NAALADL2: variants seen among roughly 807,000 people sequenced by gnomAD.
The protein encoded by NAALADL2 is N-acetylated alpha-linked acidic dipeptidase like 2, also known as inactive N-acetylated-alpha-linked acidic dipeptidase-like protein 2.
In NAALADL2, 76 loss-of-function variants were observed where a neutral mutation model predicts 87.2. The ratio of observed to expected loss-of-function variants is 0.87; its 90% CI spans 0.72 to 1.05. The LOEUF (loss-of-function observed/expected upper bound fraction) is 1.05, where lower values mean the gene tolerates loss of function less well. NAALADL2 is among the 50% of genes least tolerant of loss of function. The pLI, the probability that NAALADL2 is intolerant of heterozygous loss-of-function variation, is 0.00. For missense variants in NAALADL2, 1,089 were observed against 945.8 expected, an observed-to-expected ratio of 1.15 and a Z score of -1.99; for synonymous variants, 354 against 331.0, an observed-to-expected ratio of 1.07 and a Z score of -0.75.
chr3:175,196,157 T>G (rs954886218), intron 2 of NAALADL2, among the ~76,000 whole-genome samples: 3 of 151,942 alleles, frequency 2.0e-5, no homozygotes, highest in African/African-American at 7.2e-5. Flanking sequence ...CAGGCCATCT[T>G]TTTTATATAA....
intron 13 of NAALADL2, among the ~76,000 whole-genome samples, chr3:175,789,612 G>GTGACT (rs1420382979): frequency 2.6e-5 from 4 of 152,134 alleles, no homozygotes; most frequent in African/African-American, 9.7e-5. Context: ...AAATGTCAAG[G>GTGACT]TGACTTGTAT....
At chr3:174,976,544 A>G (rs1175726689) in intron 1 of NAALADL2, among the ~76,000 whole-genome samples, 3 of 152,196 alleles carry the variant, frequency 2.0e-5, no homozygotes, top group African/African-American at 7.2e-5. Flanking sequence ...GAAAATTACC[A>G]TACAGTTTAA....
intron 6 of NAALADL2, among the ~76,000 whole-genome samples, chr3:175,454,276 T>A (rs1192258596): frequency 6.6e-6 from 1 of 152,070 alleles, no homozygotes; most frequent in African/African-American, 2.4e-5. Context: ...TAGATTTAGA[T>A]GTTTGCCATT....
intron 1 of NAALADL2, among the ~76,000 whole-genome samples, chr3:174,469,231 G>A (rs1445835337): frequency 6.6e-6 from 1 of 151,432 alleles, no homozygotes; most frequent in Non-Finnish European, 1.5e-5. Context: ...TAGAAATGTG[G>A]TATGTAGAAG....
intron 2 of NAALADL2, among the ~76,000 whole-genome samples, chr3:175,123,012 C>A (rs930705490): frequency 6.6e-6 from 1 of 151,832 alleles, no homozygotes; most frequent in Non-Finnish European, 1.5e-5. Context: ...TGATAATGAA[C>A]CCATTTTCAT....
At position 175,556,242 on chromosome 3, in the gene NAALADL2, G is replaced by T. The variant is rs116252298; in HGVS notation, c.1654-19799G>T. Among the ~76,000 whole-genome samples, 802 of 152,122 alleles carry T rather than the reference G, an allele frequency of 5.3e-3. 6 individuals are homozygous for T. The highest frequency in any genetic ancestry group is 0.017 in the African/African-American group (699 of 41,492). On this transcript the variant is annotated intron_variant, in intron 9 of 13. Transcript: ENST00000454872. ...AAGTATTTAAAAAATATTTTGAAAAGTCATGAAGACGATTTAAAAAAAAAA... is the reference window on the plus strand; with the variant it reads ...AAGTATTTAAAAAATATTTTGAAAATTCATGAAGACGATTTAAAAAAAAAA...
chr3:174,544,673 C>T (rs568015542), intron 1 of NAALADL2, among the ~76,000 whole-genome samples: 8 of 149,534 alleles, frequency 5.3e-5, no homozygotes, highest in East Asian at 2.0e-4. Context: ...AGGGTTCCAG[C>T]GATTCTCCTG....
At chr3:174,944,443 G>A (rs1400861145) in intron 1 of NAALADL2, among the ~76,000 whole-genome samples, 1 of 152,162 alleles carries the variant, frequency 6.6e-6, no homozygotes, top group Non-Finnish European at 1.5e-5. Context: ...TCCCCCGGGA[G>A]CTCTGTCTCA....
intron 5 of NAALADL2, 28 bp downstream of exon 5, chr3:175,324,353 C>T (rs765603390): frequency 1.3e-6 from 2 of 1,589,704 alleles, no homozygotes; most frequent in East Asian, 2.3e-5. Flanking sequence ...CATTATTATA[C>T]TTGTAAGTAA....
At chr3:175,526,875 T>C (rs1733490178) in intron 9 of NAALADL2, among the ~76,000 whole-genome samples, 1 of 152,246 alleles carries the variant, frequency 6.6e-6, no homozygotes, top group South Asian at 2.1e-4. Context: ...TTAGAGCATT[T>C]AGCTAAAACC....
At chr3:175,536,859 G>A (rs1045310302) in intron 9 of NAALADL2, among the ~76,000 whole-genome samples, 2 of 152,176 alleles carry the variant, frequency 1.3e-5, no homozygotes, top group African/African-American at 2.4e-5. Context: ...GCGGGCGCCT[G>A]TAGTCCCATC....
At chr3:174,997,741 G>A (rs1011071620) in intron 1 of NAALADL2, among the ~76,000 whole-genome samples, 16 of 151,898 alleles carry the variant, frequency 1.1e-4, no homozygotes, top group African/African-American at 3.6e-4. Context: ...TCTTGAACCC[G>A]GGGAAGAGGA....
At chr3:174,522,236 A>C (rs1167700846) in intron 1 of NAALADL2, among the ~76,000 whole-genome samples, 3 of 152,170 alleles carry the variant, frequency 2.0e-5, no homozygotes, top group African/African-American at 4.8e-5. Context: ...CTTGCAATGG[A>C]CTGAGTGTTT....
chr3:175,039,919 C>T (rs78135744), intron 1 of NAALADL2, among the ~76,000 whole-genome samples: 318 of 152,146 alleles, frequency 2.1e-3, no homozygotes, highest in Non-Finnish European at 3.5e-3. Context: ...CAAATTTGTA[C>T]AAGATTATAC....
intron 1 of NAALADL2, among the ~76,000 whole-genome samples, chr3:174,868,226 A>G (rs531343007): frequency 6.6e-6 from 1 of 152,278 alleles, no homozygotes; most frequent in Non-Finnish European, 1.5e-5. Flanking sequence ...ACAGTGAGGT[A>G]TCGAAATACT....
At chr3:174,783,816 A>G (rs1578911316) in intron 3 of NAALADL2, among the ~76,000 whole-genome samples, 1 of 152,042 alleles carries the variant, frequency 6.6e-6, no homozygotes, top group Non-Finnish European at 1.5e-5. Context: ...TAGCTATGGA[A>G]TTTTAATATC....
chr3:175,235,604 A>G (rs1462600178), intron 3 of NAALADL2: 1 of 152,186 alleles, frequency 6.6e-6, no homozygotes, highest in Non-Finnish European at 1.5e-5. Flanking sequence ...TTACCCCGAT[A>G]TTTTATCTAA....
chr3:175,076,346 A>AC (rs1716600083), intron 1 of NAALADL2, among the ~76,000 whole-genome samples: 2 of 76,864 alleles, frequency 2.6e-5, no homozygotes, highest in Admixed American at 1.3e-4. Context: ...TTTTTACTTT[A>AC]TTCTAGAGAA....
At chr3:175,736,510 C>G (rs915851390) in intron 11 of NAALADL2, among the ~76,000 whole-genome samples, 3 of 152,088 alleles carry the variant, frequency 2.0e-5, no homozygotes, top group Non-Finnish European at 4.4e-5. Flanking sequence ...GGAGGCTTTC[C>G]TAAGGAAGCT....
Sources: gnomAD v4.1 joint callset for allele counts (sites outside exome capture counted in the v4.1 genomes callset) on GRCh38, gnomAD v4.1.1 for gene constraint, MANE v1.5 for transcripts, NCBI Gene and HGNC (gene_info 2026-07-23, HGNC 2026-07-21) for gene names.